Variants in ANKRD30B observed in about 807,000 individuals in gnomAD.
ANKRD30B encodes ankyrin repeat domain-containing protein 30B.
Under a neutral mutation model 202.2 loss-of-function variants are expected in ANKRD30B, and 144 were observed. The observed-to-expected ratio is 0.71, with a 90% CI of 0.62 to 0.82. ANKRD30B has a LOEUF of 0.82. Ranked by LOEUF, ANKRD30B falls within the 40% of genes least tolerant of loss-of-function variation. ANKRD30B has a pLI of 0.00. For missense variants in ANKRD30B, 1,487 were observed against 1,669.1 expected, an observed-to-expected ratio of 0.89 and a Z score of 1.90; for synonymous variants, 508 against 561.3, an observed-to-expected ratio of 0.91 and a Z score of 1.34.
chr18:14,791,327 A>G (rs1323455959), intron 15 of ANKRD30B, 74 bp from the exon 16 acceptor site: 1 of 1,255,232 alleles, frequency 8.0e-7, no homozygotes. Context: ...AAAAGATTCT[A>G]GTTAGAAAAT....
chr18:14,900,325 A>G, the ANKRD30B span, among the ~76,000 whole-genome samples: 4 of 152,146 alleles, frequency 2.6e-5, no homozygotes. Flanking sequence ...AAATGTCTTC[A>G]TCTATAATGT....
the ANKRD30B span, among the ~76,000 whole-genome samples, chr18:14,924,546 C>G: frequency 4.6e-5 from 7 of 152,330 alleles, no homozygotes; most frequent in South Asian, 1.4e-3. Context: ...TCATGAGGAA[C>G]TGGCATGAGG....
chr18:14,832,476 T>A (rs1305610221), intron 34 of ANKRD30B, among the ~76,000 whole-genome samples: 1 of 152,176 alleles, frequency 6.6e-6, no homozygotes, highest in Non-Finnish European at 1.5e-5. Flanking sequence ...AAATTTTAAA[T>A]TTCAGAAGAT....
chr18:14,940,745 G>A, the ANKRD30B span, among the ~76,000 whole-genome samples: 1 of 152,190 alleles, frequency 6.6e-6, no homozygotes, highest in African/African-American at 2.4e-5. Flanking sequence ...GGGGCATAAC[G>A]GGAGATGAAG....
the ANKRD30B span, among the ~76,000 whole-genome samples, chr18:14,924,655 G>C: frequency 6.6e-6 from 1 of 152,334 alleles, no homozygotes; most frequent in African/African-American, 2.4e-5. Context: ...GAGGGCCCTG[G>C]GCTACAGACA....
In ANKRD30B at chr18:14,852,045, T is replaced by C; in HGVS notation, c.4101T>C (p.Asn1367=). The C allele has an allele frequency of 6.2e-7, 1 of 1,607,344 alleles. No individual in the cohort carries two copies. Among genetic ancestry groups the C allele is most frequent in the Non-Finnish European group, 8.5e-7 (1 of 1,176,100 alleles). Reference sequence around the variant, plus strand: ...CCAAAAGCCCAAAAATTAATCTCAATTATGCAGGAGATGATCTAAGAGAAA... The same window carrying C: ...CCAAAAGCCCAAAAATTAATCTCAACTATGCAGGAGATGATCTAAGAGAAA... ...RKSKSPKINL[N]YAGDDLRENA... The change falls in exon 42 of 44, where the codon AAT becomes AAC. Residue 1367 remains asparagine (N), a synonymous_variant. Coordinates refer to ENST00000690538, the MANE Select transcript of ANKRD30B (RefSeq NM_001367607.2).
chr18:14,921,964 C>G, the ANKRD30B span, among the ~76,000 whole-genome samples: 3 of 152,286 alleles, frequency 2.0e-5, no homozygotes, highest in East Asian at 5.8e-4. Context: ...TCTATACACA[C>G]AAACAAAAAC....
chr18:14,754,053 T>C (rs1288275957), intron 3 of ANKRD30B, among the ~76,000 whole-genome samples: 1 of 152,182 alleles, frequency 6.6e-6, no homozygotes, highest in African/African-American at 2.4e-5. Flanking sequence ...ACTGAATTTC[T>C]AATAGCCGAG....
the ANKRD30B span, among the ~76,000 whole-genome samples, chr18:14,908,057 G>A: frequency 6.6e-6 from 1 of 152,160 alleles, no homozygotes; most frequent in Non-Finnish European, 1.5e-5. Flanking sequence ...ACCATTTTGA[G>A]CATACAGAAA....
rs1967815375 is a variant in ANKRD30B at position 14,782,522 on chromosome 18, AAC to A, written c.1483-3_1483-2del. 1.9e-6 allele frequency: 3 copies of A among 1,555,352 alleles called. No homozygotes were observed. The highest frequency in any genetic ancestry group is 2.6e-6 in the Non-Finnish European group (3 of 1,152,272). Reference sequence around the variant, plus strand: ...GAAATTATCTATTGATACTACTTTTAACAGAGTCTCTTTGAGAGTTCTGCAAA... The same window carrying A: ...GAAATTATCTATTGATACTACTTTTAAGAGTCTCTTTGAGAGTTCTGCAAA... On this transcript the variant is annotated splice_polypyrimidine_tract_variant and splice_region_variant and intron_variant, in intron 11 of 43. Coordinates refer to ENST00000690538, the MANE Select transcript of ANKRD30B (RefSeq NM_001367607.2).
At chr18:14,936,426 T>TC in the ANKRD30B span, among the ~76,000 whole-genome samples, 1 of 152,056 alleles carries the variant, frequency 6.6e-6, no homozygotes, top group South Asian at 2.1e-4. Flanking sequence ...CACAAACGCA[T>TC]CCTAAGCCCT....
chr18:14,782,413 A>T, intron 11 of ANKRD30B, 114 bp from the exon 12 acceptor site: 1 of 775,538 alleles, frequency 1.3e-6, no homozygotes, highest in Non-Finnish European at 2.0e-6. Flanking sequence ...GCCTATCCTC[A>T]AATCAAATTG....
At chr18:14,825,213 A>C (rs550343504) in intron 32 of ANKRD30B, 61 of 152,186 alleles carry the variant, frequency 4.0e-4, no homozygotes, top group African/African-American at 1.4e-3. Context: ...CCTTTTGCAT[A>C]GTTTGTCTTG....
intron 39 of ANKRD30B, among the ~76,000 whole-genome samples, chr18:14,843,760 C>CTGGA (rs202140004): frequency 2.2e-3 from 338 of 152,222 alleles, no homozygotes; most frequent in African/African-American, 7.7e-3. Context: ...CGCCACTGCA[C>CTGGA]TCCAGCCTAG....
chr18:14,865,291 CTG>C, the ANKRD30B span, among the ~76,000 whole-genome samples: 2 of 151,836 alleles, frequency 1.3e-5, no homozygotes, highest in Non-Finnish European at 2.9e-5. Flanking sequence ...TCTCTCCTCA[CTG>C]TCTTTTCACA....
At chr18:14,830,415 T>C (rs1423152849) in intron 33 of ANKRD30B, among the ~76,000 whole-genome samples, 2 of 152,070 alleles carry the variant, frequency 1.3e-5, no homozygotes, top group Non-Finnish European at 2.9e-5. Flanking sequence ...AATGTTTCAA[T>C]TTTTGTGAGA....
At chr18:14,910,443 C>T in the ANKRD30B span, among the ~76,000 whole-genome samples, 1 of 150,800 alleles carries the variant, frequency 6.6e-6, no homozygotes, top group African/African-American at 2.4e-5. Context: ...AGTAGTGTTA[C>T]ATAATATATA....
At chr18:14,938,480 GCT>G in the ANKRD30B span, among the ~76,000 whole-genome samples, 2 of 152,076 alleles carry the variant, frequency 1.3e-5, no homozygotes, top group African/African-American at 4.8e-5. Flanking sequence ...AGGCATCTTG[GCT>G]GGCCATGGCC....
At chr18:14,846,796 C>A (rs2143230123) in intron 39 of ANKRD30B, among the ~76,000 whole-genome samples, 1 of 151,684 alleles carries the variant, frequency 6.6e-6, no homozygotes, top group African/African-American at 2.4e-5. Flanking sequence ...CATCTTTAAC[C>A]AATTTTTGTC....
Sources: gnomAD v4.1 joint callset for allele counts (sites outside exome capture counted in the v4.1 genomes callset) on GRCh38, gnomAD v4.1.1 for gene constraint, MANE v1.5 for transcripts, NCBI Gene and HGNC (gene_info 2026-07-23, HGNC 2026-07-21) for gene names.